The following FHL5 variants were observed in gnomAD, a reference collection of about 807,000 sequenced individuals.
FHL5 encodes four and a half LIM domains protein 5.
Under a neutral mutation model 32.0 loss-of-function variants are expected in FHL5, and 33 were observed. The ratio of observed to expected loss-of-function variants is 1.03; its 90% CI spans 0.78 to 1.38. The LOEUF (loss-of-function observed/expected upper bound fraction) is 1.38. FHL5 is among the 40% of genes most tolerant of loss of function. FHL5 has a pLI of 0.00. For synonymous variants in FHL5, 114 were observed against 113.6 expected, an observed-to-expected ratio of 1.00 and a Z score of -0.02; for missense variants, 336 against 343.9, an observed-to-expected ratio of 0.98 and a Z score of 0.18.
rs2273621 is a variant in FHL5, at chr6:96,610,677, A to C, written c.610A>C (p.Arg204=). Residue 204 remains arginine, a synonymous_variant, in exon 5 of 6, where the codon AGA becomes CGA. Coordinates refer to ENST00000450218, the MANE Select transcript of FHL5 (RefSeq NM_001322466.2). ...KDLCEEQFMS[R]DDYPFCVDCY... is the part of the protein sequence containing the mutation. Reference sequence around the variant, plus strand: ...TCTCTGTGAAGAACAGTTCATGTCCAGAGACGACTATCCATTCTGCGTGGA... The same window carrying C: ...TCTCTGTGAAGAACAGTTCATGTCCCGAGACGACTATCCATTCTGCGTGGA... 1 of 1,613,328 alleles carries C rather than the reference A, an allele frequency of 6.2e-7. No homozygotes were observed. Among genetic ancestry groups the C allele is most frequent in the East Asian group, 2.2e-5 (1 of 44,872 alleles).
intron 1 of FHL5, among the ~76,000 whole-genome samples, chr6:96,577,785 T>C (rs538511274): frequency 5.3e-5 from 8 of 152,318 alleles, no homozygotes; most frequent in African/African-American, 1.4e-4. Context: ...TTCTATGTTT[T>C]GAAAAATTAC....
At chr6:96,564,693 T>C (rs1770315402) in intron 1 of FHL5, among the ~76,000 whole-genome samples, 1 of 152,196 alleles carries the variant, frequency 6.6e-6, no homozygotes, top group Non-Finnish European at 1.5e-5. Flanking sequence ...TCTGTTTTTA[T>C]TTTTTCAATC....
chr6:96,581,430 A>C (rs182200170), intron 1 of FHL5, among the ~76,000 whole-genome samples: 1 of 152,300 alleles, frequency 6.6e-6, no homozygotes, highest in African/African-American at 2.4e-5. Flanking sequence ...ACACTTCCAG[A>C]CCATGGCAAA....
chr6:96,602,186 A>T (rs1771162054), intron 1 of FHL5, among the ~76,000 whole-genome samples: 1 of 152,170 alleles, frequency 6.6e-6, no homozygotes, highest in African/African-American at 2.4e-5. Context: ...TAGTCAGTAC[A>T]AACTAGTATC....
chr6:96,566,460 C>A (rs1189710101), intron 1 of FHL5, among the ~76,000 whole-genome samples: 1 of 151,978 alleles, frequency 6.6e-6, no homozygotes, highest in East Asian at 1.9e-4. Flanking sequence ...CTGCAATAAA[C>A]ATGGGAATAC....
intron 1 of FHL5, among the ~76,000 whole-genome samples, chr6:96,587,257 T>C (rs1191972981): frequency 1.3e-5 from 2 of 152,218 alleles, no homozygotes; most frequent in Non-Finnish European, 2.9e-5. Context: ...AGAGCAATTT[T>C]GTGAGAATTT....
At chr6:96,614,921 A>G (rs141471204) in intron 5 of FHL5, among the ~76,000 whole-genome samples, 56 of 152,334 alleles carry the variant, frequency 3.7e-4, no homozygotes, top group African/African-American at 1.3e-3. Flanking sequence ...ATCACGTGAT[A>G]ACGTGGCTTC....
intron 4 of FHL5, among the ~76,000 whole-genome samples, chr6:96,607,021 C>CT (rs1771296186): frequency 6.6e-6 from 1 of 151,956 alleles, no homozygotes; most frequent in Admixed American, 6.6e-5. Flanking sequence ...TCTGACTTGG[C>CT]TTCCCACTCA....
intron 1 of FHL5, among the ~76,000 whole-genome samples, chr6:96,567,727 A>G (rs919198638): frequency 1.6e-4 from 24 of 148,564 alleles, no homozygotes; most frequent in East Asian, 5.9e-4. Flanking sequence ...ATATTCCTAC[A>G]TGGCTTTTTT....
intron 1 of FHL5, among the ~76,000 whole-genome samples, chr6:96,573,644 C>T (rs1770527813): frequency 1.3e-5 from 2 of 150,656 alleles, no homozygotes; most frequent in South Asian, 4.2e-4. Context: ...GCCTCAGCCT[C>T]CCTAGTAGCT....
At chr6:96,569,029 C>G (rs1770420437) in intron 1 of FHL5, among the ~76,000 whole-genome samples, 2 of 151,722 alleles carry the variant, frequency 1.3e-5, no homozygotes, top group Admixed American at 6.6e-5. Context: ...TGAAGTGCAT[C>G]ATGAGCTTGT....
At chr6:96,578,284 G>C (rs531731317) in intron 1 of FHL5, among the ~76,000 whole-genome samples, 13 of 152,144 alleles carry the variant, frequency 8.5e-5, no homozygotes, top group African/African-American at 2.9e-4. Context: ...AACTATTACA[G>C]AAAAGACTCA....
rs867132193 is a variant in FHL5 at position 96,617,068 on chromosome 6, T to A, written c.*1296T>A. Reference sequence around the variant, plus strand: ...TCACACAGGAAGTAAAGAGCCTTAGTGAGAAGTCCATCACCAGGTTTATCT... The same window carrying A: ...TCACACAGGAAGTAAAGAGCCTTAGAGAGAAGTCCATCACCAGGTTTATCT... On this transcript the variant is annotated 3_prime_UTR_variant, in exon 6 of 6. Coordinates refer to ENST00000450218, the MANE Select transcript of FHL5 (RefSeq NM_001322466.2). Among the ~76,000 whole-genome samples the A allele has an allele frequency of 6.6e-5, 10 of 152,152 alleles. No homozygotes were observed. Among genetic ancestry groups the A allele is most frequent in the Admixed American group, 3.3e-4 (5 of 15,270 alleles).
At chr6:96,604,512 G>T (rs1166010835) in intron 2 of FHL5, among the ~76,000 whole-genome samples, 1 of 151,982 alleles carries the variant, frequency 6.6e-6, no homozygotes, top group East Asian at 1.9e-4. Flanking sequence ...ACACAGCAGA[G>T]AATGTATTTG....
chr6:96,569,700 A>G (rs1770433817), intron 1 of FHL5, among the ~76,000 whole-genome samples: 1 of 151,726 alleles, frequency 6.6e-6, no homozygotes, highest in African/African-American at 2.4e-5. Context: ...TTTACCTGAT[A>G]TAAGTATAGC....
intron 1 of FHL5, among the ~76,000 whole-genome samples, chr6:96,567,355 T>C (rs1770379720): frequency 6.6e-6 from 1 of 152,028 alleles, no homozygotes; most frequent in Non-Finnish European, 1.5e-5. Flanking sequence ...ATGTCTCTAT[T>C]CATATGCCAA....
At chr6:96,610,330 A>G (rs1209907014) in intron 4 of FHL5, among the ~76,000 whole-genome samples, 4 of 152,212 alleles carry the variant, frequency 2.6e-5, no homozygotes, top group African/African-American at 9.6e-5. Context: ...ATTAATTCCT[A>G]TAGCCTTTGG....
chr6:96,588,024 C>A (rs1009376587), intron 1 of FHL5, among the ~76,000 whole-genome samples: 13 of 152,316 alleles, frequency 8.5e-5, no homozygotes, highest in Middle Eastern at 3.4e-3. Context: ...AACTCCGTGG[C>A]TGTGAGCATT....
intron 5 of FHL5, among the ~76,000 whole-genome samples, chr6:96,612,028 C>A (rs1562066408): frequency 6.6e-6 from 1 of 152,214 alleles, no homozygotes; most frequent in Admixed American, 6.5e-5. Context: ...GGGTCACCAT[C>A]ATATGGAACT....
Sources: allele counts gnomAD v4.1 joint callset (sites outside exome capture counted in the v4.1 genomes callset), GRCh38; gene constraint gnomAD v4.1.1; transcripts MANE v1.5; gene names NCBI Gene and HGNC (gene_info 2026-07-23, HGNC 2026-07-21).